Variants in CTSS observed in about 807,000 individuals in gnomAD.
CTSS encodes the protein cathepsin S.
In CTSS, 15 loss-of-function variants were observed where a neutral mutation model predicts 39.9. That is an observed-to-expected ratio of 0.38 (90% CI 0.25 to 0.58). CTSS has a LOEUF of 0.58. CTSS is among the 20% of genes least tolerant of loss of function. The pLI is 0.70. For synonymous variants in CTSS, 126 were observed against 138.2 expected, an observed-to-expected ratio of 0.91 and a Z score of 0.62; for missense variants, 250 against 398.2, an observed-to-expected ratio of 0.63 and a Z score of 3.17.
In CTSS at chr1:150,743,496, G is replaced by GATAT. The variant is rs10609824; in HGVS notation, c.896+4277_896+4280dup. On this transcript the variant is annotated intron_variant, in intron 7 of 7. Coordinates refer to ENST00000368985, the MANE Select transcript of CTSS (RefSeq NM_004079.5). ...ATCCCAACACTTTGGGAGGCTGGGAGATATATATATATATATATATATATT... is the reference window on the plus strand; with the variant it reads ...ATCCCAACACTTTGGGAGGCTGGGAGATATATATATATATATATATATATATATT... Among the ~76,000 whole-genome samples the GATAT allele has an allele frequency of 1.4e-3, 174 of 124,908 alleles. 1 individual carries two copies. The highest frequency in any genetic ancestry group is 4.0e-3 in the African/African-American group (134 of 33,336). The allele number at this position is 124,908 out of a possible 152,430, so 81.9% of individuals were successfully genotyped here.
At position 150,747,750 on chromosome 1, in the gene CTSS, A is replaced by G. The variant is rs142363816; in HGVS notation, c.896+27T>C. 2,388 of 1,466,426 alleles carry G rather than the reference A, an allele frequency of 1.6e-3. 44 individuals are homozygous for G. The highest frequency in any genetic ancestry group is 2.4e-4 in the Non-Finnish European group (255 of 1,051,046). 90.8% of individuals were successfully genotyped at this position (1,466,426 alleles called of 1,614,324 possible). A position where few individuals can be genotyped will look rare whatever the true frequency, so the allele number is the denominator to read the frequency against. On this transcript the variant is annotated intron_variant, in intron 7 of 7. Transcript: ENST00000368985. ...AAACTCCCTCAAATTCCTGATTCCA[A>G]TTAAATATAAAGTGTAAATATATTA... is the stretch of plus-strand genomic sequence containing the variant.
chr1:150,747,895 G>A lies in CTSS; in HGVS notation c.794-16C>T. 1 of 1,531,708 alleles carries A rather than the reference G, an allele frequency of 6.5e-7. No individual in the cohort carries two copies. Among genetic ancestry groups the A allele is most frequent in the Non-Finnish European group, 9.0e-7 (1 of 1,109,906 alleles). The allele number at this position is 1,531,708 out of a possible 1,614,324, so 94.9% of individuals were successfully genotyped here. A position where few individuals can be genotyped will look rare whatever the true frequency, so the allele number is the denominator to read the frequency against. ...TAGTAGACACCTGAGAATCAAATAT[G>A]GGTGGGAAAAAAGAGTGAATACTAT... On this transcript the variant is annotated splice_polypyrimidine_tract_variant and intron_variant, in intron 6 of 7. Coordinates refer to ENST00000368985, the MANE Select transcript of CTSS (RefSeq NM_004079.5).
At chr1:150,763,519 A>G (rs587679852) in intron 2 of CTSS, among the ~76,000 whole-genome samples, 30 of 152,304 alleles carry the variant, frequency 2.0e-4, no homozygotes, top group African/African-American at 6.3e-4. Context: ...ATCATTCTGC[A>G]ATGTATATTT....
chr1:150,754,406 G>A (rs899108335), intron 4 of CTSS, among the ~76,000 whole-genome samples: 1 of 149,578 alleles, frequency 6.7e-6, no homozygotes, highest in African/African-American at 2.5e-5. Flanking sequence ...GAGCCACTAC[G>A]CCCGGCCCTC....
intron 7 of CTSS, among the ~76,000 whole-genome samples, chr1:150,746,581 A>G (rs1652900275): frequency 2.0e-5 from 3 of 152,226 alleles, no homozygotes; most frequent in African/African-American, 7.2e-5. Context: ...TTTTGGCAGC[A>G]TAGAAAAAAG....
At chr1:150,736,117 C>A (rs1044531404) in intron 7 of CTSS, among the ~76,000 whole-genome samples, 13 of 152,082 alleles carry the variant, frequency 8.5e-5, no homozygotes, top group Admixed American at 7.2e-4. Context: ...TAGCAATGCT[C>A]TTTTAATATC....
At chr1:150,751,450 G>A (rs1170252808) in intron 5 of CTSS, among the ~76,000 whole-genome samples, 9 of 151,986 alleles carry the variant, frequency 5.9e-5, no homozygotes, top group Non-Finnish European at 8.8e-5. Flanking sequence ...GTTTCACCAC[G>A]TTGGCCAGGC....
chr1:150,739,785 A>G (rs1652708017), intron 7 of CTSS, among the ~76,000 whole-genome samples: 1 of 152,232 alleles, frequency 6.6e-6, no homozygotes, highest in South Asian at 2.1e-4. Context: ...AGAGCAAACT[A>G]GCCACAACAT....
At chr1:150,764,544 T>G in intron 2 of CTSS, 94 bp downstream of exon 2, 1 of 1,536,270 alleles carries the variant, frequency 6.5e-7, no homozygotes, top group Non-Finnish European at 8.9e-7. Context: ...AGCTTAAATA[T>G]TTACTGAAAA....
chr1:150,755,978 T>C (rs1264572708), intron 3 of CTSS, among the ~76,000 whole-genome samples: 2 of 152,228 alleles, frequency 1.3e-5, no homozygotes, highest in Non-Finnish European at 2.9e-5. Context: ...AATAAACTTT[T>C]AATTTTTTAA....
chr1:150,740,100 T>C (rs1652718273), intron 7 of CTSS, among the ~76,000 whole-genome samples: 1 of 152,190 alleles, frequency 6.6e-6, no homozygotes, highest in African/African-American at 2.4e-5. Context: ...TACATGTTTG[T>C]TGAATCAGTG....
intron 6 of CTSS, 49 bp downstream of exon 6, chr1:150,749,957 C>CCTTT (rs758442108): frequency 1.0e-5 from 15 of 1,492,526 alleles, no homozygotes; most frequent in Admixed American, 5.7e-5. Context: ...CAGCCAATAT[C>CCTTT]CTTTCTTTCT....
chr1:150,744,844 T>C (rs1348550420), intron 7 of CTSS, among the ~76,000 whole-genome samples: 3 of 151,494 alleles, frequency 2.0e-5, no homozygotes, highest in African/African-American at 7.3e-5. Flanking sequence ...AAGTGCTTGT[T>C]GAATGAATGA....
rs1571101449 is a variant in CTSS, at chr1:150,751,822, T to C, written c.586A>G (p.Lys196Glu). 1 of 1,614,160 alleles carries C rather than the reference T, an allele frequency of 6.2e-7. No homozygotes were observed. The highest frequency in any genetic ancestry group is 2.2e-5 in the East Asian group (1 of 44,886). ...TTAFQYIIDN[K>E]GIDSDASYPY... Reference sequence around the variant, plus strand: ...TAGGAAGCGTCTGAGTCGATGCCCTTGTTATCAATGATGTACTGGAAAGCC... The same window carrying C: ...TAGGAAGCGTCTGAGTCGATGCCCTCGTTATCAATGATGTACTGGAAAGCC... The change falls in exon 5 of 8, where the codon AAG becomes GAG. Residue 196 changes from lysine (K) to glutamate (E), a missense_variant. Transcript: ENST00000368985.
chr1:150,734,304 G>T (rs1219104666), intron 7 of CTSS, among the ~76,000 whole-genome samples: 1 of 152,034 alleles, frequency 6.6e-6, no homozygotes, highest in East Asian at 2.0e-4. Context: ...TGGGATTACA[G>T]GTGTGAGCCA....
chr1:150,732,466 A>T lies in CTSS; in HGVS notation c.*580T>A, dbSNP rs1036945892. The T allele has an allele frequency of 6.6e-6, 1 of 152,246 alleles. No individual in the cohort carries two copies. The highest frequency in any genetic ancestry group is 2.4e-5 in the African/African-American group (1 of 41,472). 9.4% of individuals were successfully genotyped at this position (152,246 alleles called of 1,614,324 possible). A position where few individuals can be genotyped will look rare whatever the true frequency, so the allele number is the denominator to read the frequency against. Reference sequence around the variant, plus strand: ...TAGGGGTCTTAAAAAGACAAAGAGTATACAATAAAACAATAAGCAATTACA... The same window carrying T: ...TAGGGGTCTTAAAAAGACAAAGAGTTTACAATAAAACAATAAGCAATTACA... On this transcript the variant is annotated 3_prime_UTR_variant, in exon 8 of 8. Transcript: ENST00000368985.
At chr1:150,747,158 G>A (rs1395451857) in intron 7 of CTSS, among the ~76,000 whole-genome samples, 1 of 152,118 alleles carries the variant, frequency 6.6e-6, no homozygotes, top group African/African-American at 2.4e-5. Flanking sequence ...GTTGGACTTG[G>A]GGAGGTCTCA....
At chr1:150,733,207 T>C in intron 7 of CTSS, 62 bp from the exon 8 acceptor site, 1 of 1,271,728 alleles carries the variant, frequency 7.9e-7, no homozygotes, top group Non-Finnish European at 1.1e-6. Flanking sequence ...TTATCAACTT[T>C]TTATCTCATT....
intron 4 of CTSS, among the ~76,000 whole-genome samples, chr1:150,752,736 T>C (rs941503796): frequency 3.9e-5 from 6 of 152,184 alleles, no homozygotes; most frequent in Non-Finnish European, 8.8e-5. Flanking sequence ...AAATATGTGG[T>C]TTATTGGGTC....
Sources: gnomAD v4.1 joint callset for allele counts (sites outside exome capture counted in the v4.1 genomes callset) on GRCh38, gnomAD v4.1.1 for gene constraint, MANE v1.5 for transcripts, NCBI Gene and HGNC (gene_info 2026-07-23, HGNC 2026-07-21) for gene names.